Variants in DCC observed in about 807,000 individuals in gnomAD.
The protein encoded by DCC is netrin receptor DCC.
Under a neutral mutation model 172.5 loss-of-function variants are expected in DCC, and 58 were observed. That is an observed-to-expected ratio of 0.34 (90% CI 0.27 to 0.42). The LOEUF (loss-of-function observed/expected upper bound fraction) is 0.42, where lower values mean the gene tolerates loss of function less well. DCC is among the 10% of genes least tolerant of loss of function. The pLI, the probability that DCC is intolerant of heterozygous loss-of-function variation, is 1.00. For missense variants in DCC, 1,740 were observed against 1,791.0 expected (o/e 0.97, Z 0.51); for synonymous variants, 709 against 644.5 (o/e 1.10, Z -1.52).
At chr18:53,487,162 A>G (rs1250708261) in intron 26 of DCC, among the ~76,000 whole-genome samples, 2 of 152,128 alleles carry the variant, frequency 1.3e-5, no homozygotes, top group Admixed American at 6.6e-5. Flanking sequence ...TCCACAGCAC[A>G]CTCCACTGAC....
chr18:52,617,814 A>C (rs1354215426), intron 1 of DCC, among the ~76,000 whole-genome samples: 1 of 152,064 alleles, frequency 6.6e-6, no homozygotes, highest in Admixed American at 6.5e-5. Context: ...GCATGAAGAG[A>C]AGCTTATTTT....
intron 1 of DCC, among the ~76,000 whole-genome samples, chr18:52,525,482 G>T (rs921889274): frequency 6.6e-6 from 1 of 152,170 alleles, no homozygotes; most frequent in Admixed American, 6.5e-5. Context: ...TCTAGATATA[G>T]TCATCCCCAT....
intron 5 of DCC, among the ~76,000 whole-genome samples, chr18:53,056,697 CA>C (rs2042408652): frequency 6.6e-6 from 1 of 151,954 alleles, no homozygotes; most frequent in African/African-American, 2.4e-5. Flanking sequence ...AAATGAAGTC[CA>C]AAGGCACATG....
chr18:52,832,657 T>C (rs1259208075), intron 2 of DCC, among the ~76,000 whole-genome samples: 2 of 152,154 alleles, frequency 1.3e-5, no homozygotes, highest in Admixed American at 6.5e-5. Flanking sequence ...AGACATGAGA[T>C]AGTTATTCCA....
intron 27 of DCC, among the ~76,000 whole-genome samples, chr18:53,511,549 C>T (rs1039618250): frequency 7.4e-4 from 113 of 152,162 alleles, no homozygotes; most frequent in African/African-American, 2.4e-3. Flanking sequence ...TCTGAGGTAC[C>T]GGGTTCATCT....
chr18:53,088,993 T>C (rs924246126), intron 7 of DCC, among the ~76,000 whole-genome samples: 5 of 152,224 alleles, frequency 3.3e-5, no homozygotes, highest in Admixed American at 6.5e-5. Context: ...TTACTTAAAA[T>C]AAATATGACC....
At chr18:52,523,358 T>G (rs2144670217) in intron 1 of DCC, among the ~76,000 whole-genome samples, 1 of 141,846 alleles carries the variant, frequency 7.0e-6, no homozygotes, top group East Asian at 2.1e-4. Flanking sequence ...CTGTACCATG[T>G]TGTCAAACTT....
intron 26 of DCC, among the ~76,000 whole-genome samples, chr18:53,497,728 C>G (rs537434197): frequency 6.6e-6 from 1 of 152,188 alleles, no homozygotes; most frequent in Non-Finnish European, 1.5e-5. Context: ...CCTAAAGCCT[C>G]GCATCTGAAA....
At chr18:53,134,466 T>C (rs2043707328) in intron 7 of DCC, among the ~76,000 whole-genome samples, 1 of 152,134 alleles carries the variant, frequency 6.6e-6, no homozygotes, top group South Asian at 2.1e-4. Context: ...CTCTCAAGAA[T>C]GCTGCATTAC....
intron 16 of DCC, among the ~76,000 whole-genome samples, chr18:53,387,209 A>G (rs1236503753): frequency 1.3e-5 from 2 of 152,194 alleles, no homozygotes; most frequent in African/African-American, 2.4e-5. Flanking sequence ...AACTTAGTGC[A>G]GTTTGTTTGC....
chr18:52,836,570 C>T (rs548887662), intron 2 of DCC, among the ~76,000 whole-genome samples: 32 of 152,316 alleles, frequency 2.1e-4, no homozygotes, highest in African/African-American at 7.0e-4. Flanking sequence ...AGTCATTAAA[C>T]CTTAAGGTTC....
At chr18:52,924,068 T>C (rs1360778927) in intron 4 of DCC, among the ~76,000 whole-genome samples, 3 of 152,082 alleles carry the variant, frequency 2.0e-5, no homozygotes, top group African/African-American at 4.8e-5. Context: ...ATCCATGGGA[T>C]CAATTCTGAA....
chr18:53,013,715 A>T (rs1389011939), intron 5 of DCC, among the ~76,000 whole-genome samples: 1 of 151,594 alleles, frequency 6.6e-6, no homozygotes, highest in Non-Finnish European at 1.5e-5. Context: ...AAAAAAAAAA[A>T]TCTGAGTCTA....
At chr18:52,700,280 G>A (rs199588882) in intron 1 of DCC, among the ~76,000 whole-genome samples, 3 of 75,806 alleles carry the variant, frequency 4.0e-5, no homozygotes, top group Non-Finnish European at 8.3e-5. Context: ...GTGCACACAT[G>A]CACACACATG....
intron 5 of DCC, among the ~76,000 whole-genome samples, chr18:52,968,499 C>T (rs2040970946): frequency 1.3e-5 from 2 of 152,140 alleles, no homozygotes; most frequent in South Asian, 4.1e-4. Context: ...TCCTTTCCCT[C>T]TGTTACTAGT....
At chr18:53,108,670 TGAA>T (rs1255159571) in intron 7 of DCC, among the ~76,000 whole-genome samples, 16 of 151,924 alleles carry the variant, frequency 1.1e-4, no homozygotes, top group African/African-American at 3.9e-4. Flanking sequence ...GAATTATATA[TGAA>T]TGGAATCCCA....
chr18:52,733,908 C>T (rs527777792), intron 1 of DCC, among the ~76,000 whole-genome samples: 102 of 152,018 alleles, frequency 6.7e-4, no homozygotes, highest in Non-Finnish European at 1.2e-3. Context: ...AATCCAGAAG[C>T]ATAAGAGTAT....
intron 2 of DCC, among the ~76,000 whole-genome samples, chr18:52,807,454 G>A (rs2038109397): frequency 6.6e-6 from 1 of 152,198 alleles, no homozygotes; most frequent in Non-Finnish European, 1.5e-5. Flanking sequence ...TTGTCAAAGA[G>A]AAAGCTGCGT....
At chr18:53,134,667 G>C (rs568917591) in intron 7 of DCC, among the ~76,000 whole-genome samples, 20 of 152,194 alleles carry the variant, frequency 1.3e-4, no homozygotes, top group African/African-American at 4.6e-4. Context: ...TTGACTCTGT[G>C]GTGGGTAGAC....
Sources: gnomAD v4.1 joint callset for allele counts (sites outside exome capture counted in the v4.1 genomes callset) on GRCh38, gnomAD v4.1.1 for gene constraint, MANE v1.5 for transcripts, NCBI Gene and HGNC (gene_info 2026-07-23, HGNC 2026-07-21) for gene names.